The following CMIP variants were observed in gnomAD, a reference collection of about 807,000 sequenced individuals.
The protein encoded by CMIP is c-Maf inducing protein, also known as C-Maf-inducing protein.
CMIP carries 13 observed loss-of-function variants against 97.3 expected under a neutral mutation model. The observed-to-expected ratio is 0.13, with a 90% CI of 0.09 to 0.21. CMIP has a LOEUF of 0.21. CMIP is among the 10% of genes least tolerant of loss of function. CMIP has a pLI of 1.00. For missense variants in CMIP, 847 were observed against 1,024.9 expected, an observed-to-expected ratio of 0.83 and a Z score of 2.37; for synonymous variants, 538 against 436.3, an observed-to-expected ratio of 1.23 and a Z score of -2.91.
chr16:81,623,678 A>C (rs576491489), intron 3 of CMIP, among the ~76,000 whole-genome samples: 5 of 152,198 alleles, frequency 3.3e-5, no homozygotes, highest in Non-Finnish European at 5.9e-5. Flanking sequence ...TTAAAATGGC[A>C]AAGAAACGTA....
chr16:81,683,347 C>T (rs1046192414), intron 10 of CMIP, among the ~76,000 whole-genome samples: 3 of 152,204 alleles, frequency 2.0e-5, no homozygotes, highest in African/African-American at 7.2e-5. Flanking sequence ...TGCAGCTCAG[C>T]TGGAAGAGGC....
At chr16:81,694,853 T>C (rs80175037) in intron 13 of CMIP, among the ~76,000 whole-genome samples, 6,402 of 152,272 alleles carry the variant, frequency 0.042, 500 homozygotes, top group African/African-American at 0.15. Context: ...TCCCTAAGTG[T>C]TCCTCAGGCA....
chr16:81,683,367 G>A (rs1251798658), intron 10 of CMIP, among the ~76,000 whole-genome samples: 3 of 152,134 alleles, frequency 2.0e-5, no homozygotes, highest in Non-Finnish European at 4.4e-5. Context: ...CCCCTCCCTC[G>A]GGGAACTTCA....
At chr16:81,607,735 C>G (rs762394750) in intron 2 of CMIP, 43 bp downstream of exon 2, 1 of 1,601,146 alleles carries the variant, frequency 6.2e-7, no homozygotes, top group African/African-American at 1.3e-5. Flanking sequence ...TCTCCCTCAT[C>G]TTCATGCACT....
At chr16:81,536,329 G>A (rs2090342055) in intron 1 of CMIP, among the ~76,000 whole-genome samples, 1 of 152,158 alleles carries the variant, frequency 6.6e-6, no homozygotes, top group African/African-American at 2.4e-5. Flanking sequence ...GCCATGCAGG[G>A]AGGGTGTGCC....
intron 1 of CMIP, among the ~76,000 whole-genome samples, chr16:81,544,418 CAG>C: frequency 6.8e-6 from 1 of 147,662 alleles, no homozygotes. Context: ...GTCTCATCCT[CAG>C]GGGGTAAGTG....
At chr16:81,582,818 C>T (rs2091318009) in intron 1 of CMIP, among the ~76,000 whole-genome samples, 1 of 151,940 alleles carries the variant, frequency 6.6e-6, no homozygotes, top group Admixed American at 6.6e-5. Flanking sequence ...AGCGGAATGC[C>T]CAACAGCACA....
At chr16:81,485,731 G>C (rs189947107) in intron 1 of CMIP, among the ~76,000 whole-genome samples, 4 of 152,352 alleles carry the variant, frequency 2.6e-5, no homozygotes, top group African/African-American at 9.6e-5. Context: ...AGTTATGTGA[G>C]TACAATTTTT....
At chr16:81,461,580 A>G (rs759570150) in intron 1 of CMIP, among the ~76,000 whole-genome samples, 1 of 152,194 alleles carries the variant, frequency 6.6e-6, no homozygotes, top group Non-Finnish European at 1.5e-5. Context: ...CACTGCATAG[A>G]TTAGGAACTT....
At chr16:81,505,584 A>G (rs917784819) in intron 1 of CMIP, among the ~76,000 whole-genome samples, 2 of 152,224 alleles carry the variant, frequency 1.3e-5, no homozygotes, top group African/African-American at 4.8e-5. Context: ...GACTGTGAAG[A>G]AAGTTATGAG....
intron 16 of CMIP, among the ~76,000 whole-genome samples, 173 bp from the exon 17 acceptor site, chr16:81,702,449 C>G (rs1907524327): frequency 6.6e-6 from 1 of 152,144 alleles, no homozygotes; most frequent in East Asian, 1.9e-4. Context: ...CTCCAGTAAA[C>G]CACCTGTGCT....
chr16:81,574,177 G>A (rs56787727), intron 1 of CMIP, among the ~76,000 whole-genome samples: 5,814 of 152,296 alleles, frequency 0.038, 345 homozygotes, highest in African/African-American at 0.12. Flanking sequence ...CTGTTGGGCC[G>A]CGCTAGTCTG....
intron 3 of CMIP, among the ~76,000 whole-genome samples, chr16:81,622,377 C>T (rs1215934719): frequency 6.6e-6 from 1 of 152,198 alleles, no homozygotes; most frequent in Non-Finnish European, 1.5e-5. Context: ...GAGAACATCT[C>T]TGATGCCTGG....
intron 13 of CMIP, 129 bp from the exon 14 acceptor site, chr16:81,696,431 A>G: frequency 1.1e-6 from 1 of 899,846 alleles, no homozygotes; most frequent in Non-Finnish European, 1.7e-6. Context: ...TGCTGGAGGA[A>G]ACAAAGTTAA....
intron 1 of CMIP, 24 bp downstream of exon 1, chr16:81,445,565 C>G: frequency 6.5e-7 from 1 of 1,534,384 alleles, no homozygotes; most frequent in Non-Finnish European, 8.8e-7. Context: ...CGCGGCTGCA[C>G]CCCCGCCTCT....
At chr16:81,629,759 A>G (rs1222212352) in intron 3 of CMIP, among the ~76,000 whole-genome samples, 1 of 152,202 alleles carries the variant, frequency 6.6e-6, no homozygotes, top group Non-Finnish European at 1.5e-5. Flanking sequence ...CACAGCGCCC[A>G]AGGGAGGCTT....
intron 1 of CMIP, among the ~76,000 whole-genome samples, chr16:81,455,604 G>A (rs1397634668): frequency 6.6e-6 from 1 of 152,100 alleles, no homozygotes; most frequent in Non-Finnish European, 1.5e-5. Context: ...TGCGTACATG[G>A]TGTCTCCAAC....
chr16:81,565,472 C>T (rs1045972112), intron 1 of CMIP, among the ~76,000 whole-genome samples: 1 of 152,204 alleles, frequency 6.6e-6, no homozygotes, highest in African/African-American at 2.4e-5. Context: ...GCCAGCTTCC[C>T]CTGGTGCAGA....
At position 81,616,272 on chromosome 16, in the gene CMIP, G is replaced by T. The variant is rs2091917048; in HGVS notation, c.427-4604G>T. 6.6e-6 allele frequency among the ~76,000 whole-genome samples: 1 copy of T among 152,016 alleles called. No individual in the cohort carries two copies. The highest frequency in any genetic ancestry group is 1.5e-5 in the Non-Finnish European group (1 of 68,016). Reference sequence around the variant, plus strand: ...ACATAAATACCCAGCCAGCCTCAGGGTGTGGGCCGAGGGCTTGAAGAAGTG... The same window carrying T: ...ACATAAATACCCAGCCAGCCTCAGGTTGTGGGCCGAGGGCTTGAAGAAGTG... On this transcript the variant is annotated intron_variant, in intron 2 of 20. Transcript: ENST00000537098. The surrounding 1 kb of genome is among the most constrained non-coding windows in gnomAD (Gnocchi z 4.7).
Sources: allele counts gnomAD v4.1 joint callset (sites outside exome capture counted in the v4.1 genomes callset), GRCh38; gene constraint gnomAD v4.1.1; non-coding constraint Gnocchi (gnomAD v3.1); transcripts MANE v1.5; gene names NCBI Gene and HGNC (gene_info 2026-07-23, HGNC 2026-07-21).